RIMKLB: variants seen among roughly 807,000 people sequenced by gnomAD.
RIMKLB encodes the protein ribosomal modification protein rimK like family member B, also known as beta-citrylglutamate synthase B.
A neutral mutation model predicts 32.0 loss-of-function variants in RIMKLB; 7 were observed. The ratio of observed to expected loss-of-function variants is 0.22; its 90% CI spans 0.12 to 0.41. RIMKLB has a LOEUF of 0.41. RIMKLB is among the 10% of genes least tolerant of loss of function. The pLI, the probability that RIMKLB is intolerant of heterozygous loss-of-function variation, is 1.00. For synonymous variants in RIMKLB, 172 were observed against 185.1 expected, an observed-to-expected ratio of 0.93 and a Z score of 0.57; for missense variants, 289 against 498.7, an observed-to-expected ratio of 0.58 and a Z score of 4.00.
At position 8,774,103 on chromosome 12, in the gene RIMKLB, CCTTG is replaced by C. The variant is rs776131344; in HGVS notation, c.*323_*326del. Reference sequence around the variant, plus strand: ...CAAATACTTTTTTTTTTTCATGGTCCCTTGCTTTTGTTTTTGTACAAAAAAAAAT... The same window carrying C: ...CAAATACTTTTTTTTTTTCATGGTCCCTTTTGTTTTTGTACAAAAAAAAAT... On this transcript the variant is annotated 3_prime_UTR_variant, in exon 6 of 6. Coordinates refer to ENST00000535829, the MANE Select transcript of RIMKLB (RefSeq NM_001297776.2). The C allele has an allele frequency of 1.6e-4, 166 of 1,055,862 alleles. No individual in the cohort carries two copies. The highest frequency in any genetic ancestry group is 1.9e-4 in the Non-Finnish European group (164 of 875,170). The allele number at this position is 1,055,862 out of a possible 1,614,324, so 65.4% of individuals were successfully genotyped here.
intron 2 of RIMKLB, among the ~76,000 whole-genome samples, chr12:8,743,723 A>G (rs764512767): frequency 3.3e-5 from 5 of 151,926 alleles, no homozygotes; most frequent in African/African-American, 1.2e-4. Flanking sequence ...AATACACACA[A>G]TACCTTTTAT....
intron 1 of RIMKLB, among the ~76,000 whole-genome samples, chr12:8,686,291 A>ATTTCCTTTCC (rs369347626): frequency 2.6e-4 from 29 of 112,590 alleles, no homozygotes; most frequent in African/African-American, 1.0e-3. Context: ...CTCTCCTCTC[A>ATTTCCTTTCC]TTTCCTTTCC....
intron 2 of RIMKLB, among the ~76,000 whole-genome samples, chr12:8,730,824 C>A (rs139910466): frequency 8.6e-5 from 13 of 151,930 alleles, no homozygotes; most frequent in African/African-American, 2.9e-4. Context: ...ACTGCAACCT[C>A]CTCCTCCCAG....
intron 2 of RIMKLB, among the ~76,000 whole-genome samples, chr12:8,730,351 G>A (rs1018929728): frequency 6.6e-6 from 1 of 152,210 alleles, no homozygotes; most frequent in Non-Finnish European, 1.5e-5. Flanking sequence ...GCCTCCCAAA[G>A]TGCTGGGATT....
chr12:8,777,147 C>T lies in RIMKLB; in HGVS notation c.*3363C>T. ...TTATTTAAGATTTGTTTTTGTTGTA[C>T]TAGGATTTTAAAAAATGTAATATAT... On this transcript the variant is annotated 3_prime_UTR_variant, in exon 6 of 6. Coordinates refer to ENST00000535829, the MANE Select transcript of RIMKLB (RefSeq NM_001297776.2). 2.0e-6 allele frequency: 2 copies of T among 977,938 alleles called. No homozygotes were observed. The highest frequency in any genetic ancestry group is 2.4e-6 in the Non-Finnish European group (2 of 827,760). The allele number at this position is 977,938 out of a possible 1,614,324, so 60.6% of individuals were successfully genotyped here. A position where few individuals can be genotyped will look rare whatever the true frequency, so the allele number is the denominator to read the frequency against.
intron 2 of RIMKLB, among the ~76,000 whole-genome samples, chr12:8,726,507 T>C (rs1384634298): frequency 6.6e-6 from 1 of 152,214 alleles, no homozygotes; most frequent in African/African-American, 2.4e-5. Flanking sequence ...TTGAAAATAA[T>C]ACAGCTGTTT....
rs937149627 is a variant in RIMKLB, at chr12:8,698,204, T to C, written c.-150T>C. Reference sequence around the variant, plus strand: ...CCCGACCCCCTCCCCCTCCTCTCCTTCCCCCACTTCCAGCCGCCCGGCGGC... The same window carrying C: ...CCCGACCCCCTCCCCCTCCTCTCCTCCCCCCACTTCCAGCCGCCCGGCGGC... On this transcript the variant is annotated 5_prime_UTR_variant, in exon 1 of 6. Coordinates refer to ENST00000535829, the MANE Select transcript of RIMKLB (RefSeq NM_001297776.2). 5 of 365,888 alleles carry C rather than the reference T, an allele frequency of 1.4e-5. No homozygotes were observed. The highest frequency in any genetic ancestry group is 2.8e-5 in the Non-Finnish European group (5 of 180,028). 22.7% of individuals were successfully genotyped at this position (365,888 alleles called of 1,614,324 possible).
rs1942672280 is a variant in RIMKLB, at chr12:8,689,518, A to T, written n.219+7700A>T. 2.0e-5 allele frequency among the ~76,000 whole-genome samples: 3 copies of T among 152,224 alleles called. No homozygotes were observed. In the South Asian group the frequency reaches 6.2e-4, roughly 31 times the overall value. The stretch of plus-strand genomic sequence containing the variant: ...CTAACACTACTTTGCTCTATTCATT[A>T]ATCTGTCTTGTTTCATTCAGCCATA... On this transcript the variant is annotated intron_variant and non_coding_transcript_variant, in intron 1 of 1. Transcript: ENST00000538758.
downstream of RIMKLB, chr12:8,780,354 A>C (rs764831382): frequency 6.6e-6 from 1 of 152,072 alleles, no homozygotes. Context: ...CTTTCTTTCT[A>C]CTTTTTTTGG....
chr12:8,738,530 A>G (rs1157305357), intron 2 of RIMKLB, among the ~76,000 whole-genome samples: 1 of 152,174 alleles, frequency 6.6e-6, no homozygotes, highest in Non-Finnish European at 1.5e-5. Flanking sequence ...TCTTTCCTGG[A>G]CAGTATTTGT....
chr12:8,777,144 G>A lies in RIMKLB; in HGVS notation c.*3360G>A. 7.2e-6 allele frequency: 7 copies of A among 974,824 alleles called. No homozygotes were observed. The highest frequency in any genetic ancestry group is 7.3e-6 in the Non-Finnish European group (6 of 826,746). 60.4% of individuals were successfully genotyped at this position (974,824 alleles called of 1,614,324 possible). A position where few individuals can be genotyped will look rare whatever the true frequency, so the allele number is the denominator to read the frequency against. On this transcript the variant is annotated 3_prime_UTR_variant, in exon 6 of 6. Transcript: ENST00000535829. The stretch of plus-strand genomic sequence containing the variant: ...ATTTTATTTAAGATTTGTTTTTGTT[G>A]TACTAGGATTTTAAAAAATGTAATA...
At chr12:8,780,563 C>T (rs1336897678), downstream of RIMKLB, 1 of 152,162 alleles carries the variant, frequency 6.6e-6, no homozygotes, top group African/African-American at 2.4e-5. Context: ...TCTATATACC[C>T]TTCTGCTGCA....
At chr12:8,724,855 C>T (rs1339308116) in intron 2 of RIMKLB, among the ~76,000 whole-genome samples, 1 of 152,114 alleles carries the variant, frequency 6.6e-6, no homozygotes, top group Non-Finnish European at 1.5e-5. Context: ...TGATATAGGG[C>T]TGGTGTTGGG....
At chr12:8,677,932 ATATTTATTTATT>A (rs35415396), upstream of RIMKLB, among the ~76,000 whole-genome samples, 11 of 148,450 alleles carry the variant, frequency 7.4e-5, no homozygotes, top group East Asian at 1.4e-3. Context: ...TATTTTTATT[ATATTTATTTATT>A]TATTTATTTA....
chr12:8,676,597 C>T, the RIMKLB span, among the ~76,000 whole-genome samples: 1 of 151,734 alleles, frequency 6.6e-6, no homozygotes. Context: ...CGGGGTTTCA[C>T]CATGTTTGCC....
the RIMKLB span, among the ~76,000 whole-genome samples, chr12:8,670,793 G>A: frequency 6.6e-6 from 1 of 152,256 alleles, no homozygotes; most frequent in African/African-American, 2.4e-5. Context: ...CAGAGGTTCT[G>A]CATGAGGGCC....
At chr12:8,768,860 A>G (rs1028453169) in intron 5 of RIMKLB, among the ~76,000 whole-genome samples, 1 of 152,098 alleles carries the variant, frequency 6.6e-6, no homozygotes, top group Non-Finnish European at 1.5e-5. Flanking sequence ...GCTGCTTTTA[A>G]TCTCTGCTTT....
chr12:8,684,737 C>T (rs978297077), intron 1 of RIMKLB, among the ~76,000 whole-genome samples: 5 of 152,154 alleles, frequency 3.3e-5, no homozygotes, highest in African/African-American at 1.2e-4. Flanking sequence ...TCTCTCACCT[C>T]GGTCTCCTAA....
intron 1 of RIMKLB, among the ~76,000 whole-genome samples, chr12:8,698,952 A>ACCC (rs112143852): frequency 4.0e-4 from 59 of 148,362 alleles, no homozygotes; most frequent in African/African-American, 1.4e-3. Flanking sequence ...CTTGCCCCTC[A>ACCC]CCCCCCCCCA....
Sources: gnomAD v4.1 joint callset for allele counts (sites outside exome capture counted in the v4.1 genomes callset) on GRCh38, gnomAD v4.1.1 for gene constraint, MANE v1.5 for transcripts, NCBI Gene and HGNC (gene_info 2026-07-23, HGNC 2026-07-21) for gene names.